The following PNLDC1 variants were observed in gnomAD, a reference collection of about 807,000 sequenced individuals.
The protein encoded by PNLDC1 is PARN like ribonuclease domain containing exonuclease 1.
In PNLDC1, 70 loss-of-function variants were observed where a neutral mutation model predicts 82.0. The ratio of observed to expected loss-of-function variants is 0.85; its 90% CI spans 0.70 to 1.04. PNLDC1 has a LOEUF of 1.04. Ranked by LOEUF, PNLDC1 falls within the 50% of genes least tolerant of loss-of-function variation. PNLDC1 has a pLI of 0.00. For missense variants in PNLDC1, 631 were observed against 661.1 expected, an observed-to-expected ratio of 0.95 and a Z score of 0.50; for synonymous variants, 280 against 249.3, an observed-to-expected ratio of 1.12 and a Z score of -1.16.
At chr6:159,816,117 C>CCTACACCCCTCCCCACCCACCCG in intron 13 of PNLDC1, 84 bp downstream of exon 13, 1 of 1,028,542 alleles carries the variant, frequency 9.7e-7, no homozygotes, top group Non-Finnish European at 1.4e-6. Flanking sequence ...CCCTGGTTCC[C>CCTACACCCCTCCCCACCCACCCG]CCACACCCCT....
Position 159,801,095 on chromosome 6 carries a change from A to G in PNLDC1, c.135-18A>G. 1 of 1,613,818 alleles carries G rather than the reference A, an allele frequency of 6.2e-7. No individual in the cohort carries two copies. The highest frequency in any genetic ancestry group is 1.3e-5 in the African/African-American group (1 of 75,062). On this transcript the variant is annotated intron_variant, in intron 2 of 18. Transcript: ENST00000392167. ...GGGATGTCATTGCTCGTGGAATGAG[A>G]TGCCTGTTTGTTCACAGTCTTTTTG...
At chr6:159,809,835 T>G (rs1437003752) in intron 9 of PNLDC1, among the ~76,000 whole-genome samples, 191 bp from the exon 10 acceptor site, 1 of 152,188 alleles carries the variant, frequency 6.6e-6, no homozygotes, top group African/African-American at 2.4e-5. Context: ...AATTGTTTTC[T>G]TTTTTCTTTT....
Position 159,803,281 on chromosome 6 carries a change from G to A in PNLDC1, c.219G>A (p.Val73=), listed in dbSNP as rs138324830. 47 of 1,614,060 alleles carry A rather than the reference G, an allele frequency of 2.9e-5. No homozygotes were observed. In the African/African-American group the frequency reaches 5.6e-4, roughly 19 times the overall value. ...CGGTCATTCTTCCAGGATTGTCTGTGTTTTCCGCTATTGAAGGAGAGGCAA... is the reference window on the plus strand; with the variant it reads ...CGGTCATTCTTCCAGGATTGTCTGTATTTTCCGCTATTGAAGGAGAGGCAA... ...QFTVCQIGLS[V]FSAIEGEANK... is the part of the protein sequence containing the mutation. The change falls in exon 4 of 19, where the codon GTG becomes GTA. Residue 73 remains valine, a synonymous_variant. Coordinates refer to ENST00000392167, the MANE Select transcript of PNLDC1 (RefSeq NM_001271862.2).
At chr6:159,814,374 C>T (rs1256952667) in intron 12 of PNLDC1, among the ~76,000 whole-genome samples, 10 of 152,150 alleles carry the variant, frequency 6.6e-5, no homozygotes, top group South Asian at 2.1e-4. Flanking sequence ...CCTCCTCAAC[C>T]GTGTTCCTGC....
chr6:159,813,538 C>A, intron 11 of PNLDC1, 63 bp from the exon 12 acceptor site: 2 of 1,452,540 alleles, frequency 1.4e-6, no homozygotes, highest in South Asian at 1.1e-5. Context: ...TTTGGTACTG[C>A]CTGAAACAGA....
At chr6:159,800,889 G>A in intron 2 of PNLDC1, 60 bp downstream of exon 2, 1 of 1,609,900 alleles carries the variant, frequency 6.2e-7, no homozygotes, top group Non-Finnish European at 8.5e-7. Context: ...ACTGTTTCTG[G>A]CCAGCAGCCT....
At chr6:159,805,954 C>A in intron 6 of PNLDC1, 29 bp from the exon 7 acceptor site, 1 of 1,546,340 alleles carries the variant, frequency 6.5e-7, no homozygotes, top group Non-Finnish European at 8.9e-7. Context: ...TTTTCTCTGA[C>A]ATGTTCACTT....
chr6:159,813,665 G>T lies in PNLDC1; in HGVS notation c.995+9G>T. ...TATGAAGTCCTGAACAGGTGAGGAC[G>T]GCGATTCCTGGAGCTACTGCTGGAG... On this transcript the variant is annotated intron_variant, in intron 12 of 18. Coordinates refer to ENST00000392167, the MANE Select transcript of PNLDC1 (RefSeq NM_001271862.2). 1 of 1,613,068 alleles carries T rather than the reference G, an allele frequency of 6.2e-7. No individual in the cohort carries two copies. Among genetic ancestry groups the T allele is most frequent in the African/African-American group, 1.3e-5 (1 of 75,026 alleles).
chr6:159,813,626 A>C lies in PNLDC1; in HGVS notation c.965A>C (p.Asn322Thr), dbSNP rs751308446. 1 of 1,613,810 alleles carries C rather than the reference A, an allele frequency of 6.2e-7. No individual in the cohort carries two copies. Among genetic ancestry groups the C allele is most frequent in the Admixed American group, 1.7e-5 (1 of 60,022 alleles). ...GAGATGAATTTCCCGAGGGTGTCGA[A>C]TCTTTCGGAAGTCTATGAAGTCCTG... ...WKEMNFPRVS[N>T]LSEVYEVLNS... Residue 322 changes from asparagine to threonine, a missense_variant, in exon 12 of 19, where the codon AAT becomes ACT. Asn to Thr is a moderately conservative substitution (Grantham distance 65, BLOSUM62 0). Coordinates refer to ENST00000392167, the MANE Select transcript of PNLDC1 (RefSeq NM_001271862.2).
At chr6:159,814,574 AG>A in intron 12 of PNLDC1, among the ~76,000 whole-genome samples, 1 of 152,246 alleles carries the variant, frequency 6.6e-6, no homozygotes, top group South Asian at 2.1e-4. Context: ...AGCACACTCT[AG>A]TGCCTGCAAA....
At chr6:159,803,878 A>G (rs1781350971) in intron 4 of PNLDC1, 87 bp from the exon 5 acceptor site, 16 of 1,435,634 alleles carry the variant, frequency 1.1e-5, no homozygotes, top group Non-Finnish European at 1.5e-5. Flanking sequence ...CTTGCCTAAA[A>G]GAAAGAGCCC....
Position 159,811,703 on chromosome 6 carries a change from A to C in PNLDC1, c.856A>C (p.Ser286Arg). ...ACTACCTGGGTTTTTCCCCTCAGAA[A>C]GCTACGATCAATTTAAGCAGAATAT... is the stretch of plus-strand genomic sequence containing the variant. ...HEKFFRPLPESYDQFKQNIHS... is the reference protein window; with the variant it reads ...HEKFFRPLPERYDQFKQNIHS... Residue 286 changes from serine to arginine, a missense_variant and splice_region_variant, in exon 11 of 19, where the codon AGC becomes CGC. Ser to Arg is a moderately radical substitution (Grantham distance 110). Coordinates refer to ENST00000392167, the MANE Select transcript of PNLDC1 (RefSeq NM_001271862.2). 6.2e-7 allele frequency: 1 copy of C among 1,612,846 alleles called. No individual in the cohort carries two copies. Among genetic ancestry groups the C allele is most frequent in the Non-Finnish European group, 8.5e-7 (1 of 1,179,134 alleles).
rs749840786 is a variant in PNLDC1, at chr6:159,810,062, C to T, written c.820C>T (p.His274Tyr). ...VGHNMMMDLL[H>Y]LHEKFFRPLP... ...ACATAATATGATGATGGACCTGCTG[C>T]ACCTCCATGAGAAGTTCTTCAGACC... The change falls in exon 10 of 19, where the codon CAC becomes TAC. Residue 274 changes from histidine to tyrosine, a missense_variant. By Grantham distance (83) the His-to-Tyr change is moderately conservative. Coordinates refer to ENST00000392167, the MANE Select transcript of PNLDC1 (RefSeq NM_001271862.2). 8.7e-6 allele frequency: 14 copies of T among 1,614,004 alleles called. No individual in the cohort carries two copies. Among genetic ancestry groups the T allele is most frequent in the Admixed American group, 1.7e-5 (1 of 60,012 alleles).
chr6:159,812,159 C>G (rs1365611950), intron 11 of PNLDC1, among the ~76,000 whole-genome samples: 1 of 152,140 alleles, frequency 6.6e-6, no homozygotes, highest in Non-Finnish European at 1.5e-5. Context: ...CTCGGCCTCC[C>G]AAAGTGCTGG....
intron 4 of PNLDC1, 81 bp from the exon 5 acceptor site, chr6:159,803,884 A>G: frequency 6.8e-7 from 1 of 1,461,574 alleles, no homozygotes. Context: ...TAAAAGAAAG[A>G]GCCCACCCTG....
At chr6:159,810,493 A>G (rs930373414) in intron 10 of PNLDC1, among the ~76,000 whole-genome samples, 1 of 152,196 alleles carries the variant, frequency 6.6e-6, no homozygotes, top group African/African-American at 2.4e-5. Flanking sequence ...TACCCAAAGC[A>G]TTATTTTATG....
At chr6:159,802,588 TG>T (rs1265732116) in intron 3 of PNLDC1, among the ~76,000 whole-genome samples, 1 of 151,714 alleles carries the variant, frequency 6.6e-6, no homozygotes, top group African/African-American at 2.4e-5. Context: ...CAAATTTGTT[TG>T]GGGGGAAGGG....
intron 4 of PNLDC1, 28 bp downstream of exon 4, chr6:159,803,338 A>G: frequency 6.2e-7 from 1 of 1,605,744 alleles, no homozygotes; most frequent in East Asian, 2.2e-5. Context: ...CTGCAAACAT[A>G]GGTGCTTCCC....
chr6:159,800,540 CTT>C, intron 1 of PNLDC1, 157 bp downstream of exon 1: 1 of 1,335,806 alleles, frequency 7.5e-7, no homozygotes, highest in Non-Finnish European at 1.0e-6. Context: ...GGCGGTGGGA[CTT>C]TGAGCAGCAA....
Sources: gnomAD v4.1 joint callset for allele counts (sites outside exome capture counted in the v4.1 genomes callset) on GRCh38, gnomAD v4.1.1 for gene constraint, MANE v1.5 for transcripts, NCBI Gene and HGNC (gene_info 2026-07-23, HGNC 2026-07-21) for gene names.